Variants in ELOVL4 observed in about 807,000 individuals in gnomAD.
ELOVL4 encodes the protein ELOVL fatty acid elongase 4.
Under a neutral mutation model 42.1 loss-of-function variants are expected in ELOVL4, and 18 were observed. The observed-to-expected ratio is 0.43, with a 90% CI of 0.30 to 0.63. The LOEUF (loss-of-function observed/expected upper bound fraction) is 0.63. Ranked by LOEUF, ELOVL4 falls within the 30% of genes least tolerant of loss-of-function variation. The probability of loss-of-function intolerance (pLI) is 0.15; values close to 1 mark genes in which losing one functional copy is unlikely to be tolerated. For missense variants in ELOVL4, 299 were observed against 376.2 expected, an observed-to-expected ratio of 0.79 and a Z score of 1.70; for synonymous variants, 117 against 127.0, an observed-to-expected ratio of 0.92 and a Z score of 0.53.
At chr6:79,932,593 G>A (rs1054317221) in intron 1 of ELOVL4, among the ~76,000 whole-genome samples, 11 of 151,326 alleles carry the variant, frequency 7.3e-5, no homozygotes, top group African/African-American at 2.7e-4. Flanking sequence ...GGTTTCCCTT[G>A]AATATCTTCC....
At chr6:79,930,997 C>G (rs1443449337) in intron 1 of ELOVL4, among the ~76,000 whole-genome samples, 1 of 152,050 alleles carries the variant, frequency 6.6e-6, no homozygotes, top group East Asian at 1.9e-4. Flanking sequence ...CTCCTACCAC[C>G]AACTGAAGTC....
intron 1 of ELOVL4, among the ~76,000 whole-genome samples, chr6:79,941,383 T>G (rs1311666576): frequency 1.3e-5 from 2 of 152,136 alleles, no homozygotes; most frequent in African/African-American, 2.4e-5. Context: ...CCTCCTCACT[T>G]CCACACAAGG....
intron 5 of ELOVL4, among the ~76,000 whole-genome samples, chr6:79,918,050 T>C (rs1443711567): frequency 2.6e-5 from 4 of 152,172 alleles, no homozygotes; most frequent in Non-Finnish European, 5.9e-5. Context: ...TGTGGGAACT[T>C]CTGGCTTGGA....
At chr6:79,936,733 T>G (rs1774550142) in intron 1 of ELOVL4, among the ~76,000 whole-genome samples, 1 of 152,204 alleles carries the variant, frequency 6.6e-6, no homozygotes, top group African/African-American at 2.4e-5. Flanking sequence ...GCTTAATATA[T>G]TCCTCAAGCC....
chr6:79,928,845 T>G (rs1337346741), intron 1 of ELOVL4, among the ~76,000 whole-genome samples: 3 of 148,324 alleles, frequency 2.0e-5, no homozygotes, highest in African/African-American at 7.5e-5. Context: ...GCTCAAGTGA[T>G]CCACCTGCCT....
At chr6:79,935,514 G>A (rs748522334) in intron 1 of ELOVL4, among the ~76,000 whole-genome samples, 2 of 152,162 alleles carry the variant, frequency 1.3e-5, no homozygotes, top group African/African-American at 4.8e-5. Flanking sequence ...AGAGGGACAA[G>A]ACTTGAATTA....
Position 79,921,702 on chromosome 6 carries a change from G to T in ELOVL4, c.464C>A (p.Ser155Tyr). The T allele has an allele frequency of 6.2e-7, 1 of 1,613,994 alleles. No homozygotes were observed. Among genetic ancestry groups the T allele is most frequent in the Non-Finnish European group, 8.5e-7 (1 of 1,179,964 alleles). ...ACAGTGATGATACACATGAAGGAAA[G>T]AAACTTGGTTGTTTTTCTTTCTCAG... ...FILRKKNNQV[S>Y]FLHVYHHCTM... The change falls in exon 4 of 6, where the codon TCT becomes TAT. Residue 155 changes from serine to tyrosine, a missense_variant. By Grantham distance (144) the Ser-to-Tyr change is moderately radical (BLOSUM62 -2). Coordinates refer to ENST00000369816, the MANE Select transcript of ELOVL4 (RefSeq NM_022726.4).
At chr6:79,937,717 T>C (rs546714395) in intron 1 of ELOVL4, among the ~76,000 whole-genome samples, 104 of 152,330 alleles carry the variant, frequency 6.8e-4, no homozygotes, top group Non-Finnish European at 1.2e-3. Flanking sequence ...AAGGTCACTG[T>C]TGGGAAGGAG....
At chr6:79,920,970 T>C (rs1010785493) in intron 4 of ELOVL4, among the ~76,000 whole-genome samples, 2 of 152,164 alleles carry the variant, frequency 1.3e-5, no homozygotes, top group Non-Finnish European at 2.9e-5. Flanking sequence ...GAGTGAGCTA[T>C]GGGCTAAGAT....
intron 1 of ELOVL4, among the ~76,000 whole-genome samples, chr6:79,939,317 T>C (rs951836101): frequency 1.3e-5 from 2 of 152,094 alleles, no homozygotes; most frequent in African/African-American, 4.8e-5. Flanking sequence ...ACATAAAATA[T>C]ACCATCTTAA....
At chr6:79,920,480 A>G (rs939547899) in intron 4 of ELOVL4, among the ~76,000 whole-genome samples, 9 of 152,216 alleles carry the variant, frequency 5.9e-5, no homozygotes, top group Non-Finnish European at 1.2e-4. Context: ...TTCCTTATCC[A>G]AAATGCTCAG....
chr6:79,915,056 ATGTTAT>A lies in ELOVL4; in HGVS notation c.*1546_*1551del, dbSNP rs1194974214. 27 of 152,762 alleles carry A rather than the reference ATGTTAT, an allele frequency of 1.8e-4. No homozygotes were observed. The East Asian group carries it at 4.6e-3, about 26-fold the overall frequency. 9.5% of individuals were successfully genotyped at this position (152,762 alleles called of 1,614,324 possible). On this transcript the variant is annotated 3_prime_UTR_variant, in exon 6 of 6. Coordinates refer to ENST00000369816, the MANE Select transcript of ELOVL4 (RefSeq NM_022726.4). The stretch of plus-strand genomic sequence containing the variant: ...TATTTAATTTTAATGCACAATAAAT[ATGTTAT>A]AGCTTACAAAATATTCTGAAATAGT...
Position 79,919,393 on chromosome 6 carries a change from A to G in ELOVL4, c.669+27T>C. ...TTAAACAATTTCAGTATTTTACCAG[A>G]AGAAACTTTGGAAGCATTTAACTCA... is the stretch of plus-strand genomic sequence containing the variant. On this transcript the variant is annotated intron_variant, in intron 5 of 5. Transcript: ENST00000369816. 1.9e-6 allele frequency: 3 copies of G among 1,612,558 alleles called. 1 individual carries two copies. The South Asian group carries it at 3.3e-5, about 18-fold the overall frequency.
chr6:79,923,484 T>C (rs1230710666), intron 3 of ELOVL4, among the ~76,000 whole-genome samples: 2 of 152,202 alleles, frequency 1.3e-5, no homozygotes, highest in Admixed American at 6.5e-5. Flanking sequence ...AGTCAGTCAG[T>C]CAAACACTTA....
chr6:79,923,528 C>T (rs1336570012), intron 3 of ELOVL4, among the ~76,000 whole-genome samples: 1 of 152,198 alleles, frequency 6.6e-6, no homozygotes, highest in African/African-American at 2.4e-5. Context: ...AGCAAGAAGT[C>T]AGCCCTCCAA....
chr6:79,936,502 A>G (rs138407209), intron 1 of ELOVL4, among the ~76,000 whole-genome samples: 2,498 of 152,264 alleles, frequency 0.016, 29 homozygotes, highest in South Asian at 0.038. Context: ...ATTTCTTATA[A>G]ATGTCACGAG....
chr6:79,928,656 G>A (rs1332658062), intron 1 of ELOVL4, among the ~76,000 whole-genome samples: 2 of 140,610 alleles, frequency 1.4e-5, no homozygotes, highest in East Asian at 4.5e-4. Context: ...AAAAAGTAAA[G>A]AGAAACAGGA....
At chr6:79,945,769 G>A (rs181376046) in intron 1 of ELOVL4, among the ~76,000 whole-genome samples, 4 of 151,634 alleles carry the variant, frequency 2.6e-5, no homozygotes, top group Non-Finnish European at 1.5e-5. Context: ...CAGGTACAGT[G>A]TAACATCAGT....
chr6:79,942,628 T>A (rs1774666996), intron 1 of ELOVL4, among the ~76,000 whole-genome samples: 1 of 152,348 alleles, frequency 6.6e-6, no homozygotes, highest in South Asian at 2.1e-4. Context: ...TGCCATCTGA[T>A]ATAATTATCT....
Sources: allele counts gnomAD v4.1 joint callset (sites outside exome capture counted in the v4.1 genomes callset), GRCh38; gene constraint gnomAD v4.1.1; transcripts MANE v1.5; gene names NCBI Gene and HGNC (gene_info 2026-07-23, HGNC 2026-07-21).